RORA: variants seen among roughly 807,000 people sequenced by gnomAD.
RORA encodes nuclear receptor ROR-alpha.
A neutral mutation model predicts 69.5 loss-of-function variants in RORA; 7 were observed. The ratio of observed to expected loss-of-function variants is 0.10; its 90% CI spans 0.06 to 0.19. RORA has a LOEUF of 0.19. Among genes scored for constraint, RORA ranks in the 10% least tolerant of loss-of-function variants. The pLI is 1.00. For synonymous variants in RORA, 261 were observed against 240.8 expected, an observed-to-expected ratio of 1.08 and a Z score of -0.78; for missense variants, 457 against 663.0, an observed-to-expected ratio of 0.69 and a Z score of 3.41.
At chr15:60,785,838 T>C (rs2140342847) in intron 1 of RORA, among the ~76,000 whole-genome samples, 1 of 152,356 alleles carries the variant, frequency 6.6e-6, no homozygotes, top group Admixed American at 6.5e-5. Flanking sequence ...ATTGCGTTTG[T>C]CACTGTTGTT....
rs138103334 is a variant in RORA at position 60,848,368 on chromosome 15, C to T, written c.167-169682G>A. On this transcript the variant is annotated intron_variant, in intron 1 of 10. Coordinates refer to ENST00000335670, the MANE Select transcript of RORA (RefSeq NM_134261.3). ...GTGGGCCCCATATGATCACAAGAGT[C>T]CTCATAAGGGAAAAAGAGGGAGGAA... 207 of 152,258 alleles carry T rather than the reference C, an allele frequency of 1.4e-3. No homozygotes were observed. In the Middle Eastern group the frequency reaches 0.02, roughly 15 times the overall value. The allele number at this position is 152,258 out of a possible 1,614,324, so 9.4% of individuals were successfully genotyped here. A position where few individuals can be genotyped will look rare whatever the true frequency, so the allele number is the denominator to read the frequency against.
chr15:60,633,702 T>A (rs1015364465), intron 2 of RORA, among the ~76,000 whole-genome samples: 1 of 152,214 alleles, frequency 6.6e-6, no homozygotes, highest in Non-Finnish European at 1.5e-5. Flanking sequence ...AGATTTTCTA[T>A]CCCTCTTCCC....
At chr15:60,632,138 A>C (rs1162560810) in intron 2 of RORA, among the ~76,000 whole-genome samples, 19 of 149,734 alleles carry the variant, frequency 1.3e-4, no homozygotes, top group Non-Finnish European at 2.5e-4. Flanking sequence ...ACGGAGTCTC[A>C]CTCTGTTGTC....
intron 1 of RORA, among the ~76,000 whole-genome samples, chr15:60,995,413 C>T (rs188759150): frequency 8.5e-5 from 13 of 152,276 alleles, no homozygotes; most frequent in Admixed American, 7.2e-4. Flanking sequence ...ATGGGTGCTC[C>T]CTTCTATTTC....
At chr15:61,008,654 T>G (rs1442379891) in intron 1 of RORA, among the ~76,000 whole-genome samples, 1 of 152,182 alleles carries the variant, frequency 6.6e-6, no homozygotes, top group African/African-American at 2.4e-5. Context: ...AAAATGCGCA[T>G]GTAGATGGAA....
intron 2 of RORA, among the ~76,000 whole-genome samples, chr15:60,568,434 A>G (rs1208529745): frequency 6.6e-6 from 1 of 152,214 alleles, no homozygotes; most frequent in Non-Finnish European, 1.5e-5. Context: ...AAGGGAAACA[A>G]GAAAGAAATT....
At chr15:60,621,617 G>A (rs956339274) in intron 2 of RORA, among the ~76,000 whole-genome samples, 5 of 152,094 alleles carry the variant, frequency 3.3e-5, no homozygotes, top group Non-Finnish European at 5.9e-5. Flanking sequence ...CTTTTTAAGC[G>A]AGGCTTTAAA....
At chr15:60,769,480 A>G (rs1399550362) in intron 1 of RORA, among the ~76,000 whole-genome samples, 1 of 152,164 alleles carries the variant, frequency 6.6e-6, no homozygotes, top group Non-Finnish European at 1.5e-5. Flanking sequence ...CAAGATAACT[A>G]CAGAGCTGCT....
intron 2 of RORA, among the ~76,000 whole-genome samples, chr15:60,535,826 T>C (rs1264053296): frequency 6.6e-6 from 1 of 152,222 alleles, no homozygotes; most frequent in African/African-American, 2.4e-5. Context: ...TCACGCATTA[T>C]ATCTCACTCA....
At chr15:61,185,239 T>G (rs1345015701) in intron 1 of RORA, among the ~76,000 whole-genome samples, 1 of 152,120 alleles carries the variant, frequency 6.6e-6, no homozygotes, top group East Asian at 1.9e-4. Context: ...GATTATCTGC[T>G]GACACTCTGA....
At chr15:61,040,627 G>A (rs563610809) in intron 1 of RORA, among the ~76,000 whole-genome samples, 1 of 152,046 alleles carries the variant, frequency 6.6e-6, no homozygotes, top group East Asian at 1.9e-4. Context: ...CACCCTATGA[G>A]GACAAATACA....
chr15:60,502,935 G>C (rs1043185878), intron 7 of RORA, 68 bp from the exon 8 acceptor site: 9 of 1,031,896 alleles, frequency 8.7e-6, no homozygotes, highest in African/African-American at 4.7e-5. Flanking sequence ...TTTCTAAGCT[G>C]CTCATGTAGA....
intron 2 of RORA, among the ~76,000 whole-genome samples, chr15:60,567,394 CATT>C (rs771357639): frequency 2.7e-4 from 40 of 149,446 alleles, no homozygotes; most frequent in African/African-American, 3.9e-4. Context: ...CTTTTATTAT[CATT>C]ATTATTATTA....
intron 1 of RORA, among the ~76,000 whole-genome samples, chr15:60,982,389 A>T (rs1894070267): frequency 6.6e-6 from 1 of 152,194 alleles, no homozygotes; most frequent in African/African-American, 2.4e-5. Context: ...GTCATTCCCT[A>T]GACTTTGCTT....
At chr15:60,718,426 T>A (rs2071247961) in intron 1 of RORA, among the ~76,000 whole-genome samples, 1 of 152,178 alleles carries the variant, frequency 6.6e-6, no homozygotes, top group Admixed American at 6.5e-5. Context: ...TCCTCACTTT[T>A]AAAAATGAGT....
intron 1 of RORA, among the ~76,000 whole-genome samples, chr15:60,783,999 C>T (rs968440851): frequency 6.6e-6 from 1 of 152,216 alleles, no homozygotes; most frequent in Non-Finnish European, 1.5e-5. Flanking sequence ...AGCCATCCCT[C>T]CTTTACATCA....
chr15:60,918,680 TA>T (rs150181405), intron 1 of RORA, among the ~76,000 whole-genome samples: 125 of 152,312 alleles, frequency 8.2e-4, no homozygotes, highest in African/African-American at 3.0e-3. Context: ...ATATCAGAAA[TA>T]TTTTTTTTCT....
chr15:60,984,778 G>A (rs541598457), intron 1 of RORA, among the ~76,000 whole-genome samples: 8 of 149,764 alleles, frequency 5.3e-5, no homozygotes, highest in Admixed American at 4.0e-4. Flanking sequence ...ATAATAATAA[G>A]CCTGGGCTTG....
intron 1 of RORA, among the ~76,000 whole-genome samples, chr15:60,849,501 T>C (rs760782669): frequency 2.4e-4 from 37 of 152,202 alleles, no homozygotes; most frequent in African/African-American, 8.4e-4. Context: ...TACAAATAAC[T>C]TGATGATCCT....
Sources: allele counts gnomAD v4.1 joint callset (sites outside exome capture counted in the v4.1 genomes callset), GRCh38; gene constraint gnomAD v4.1.1; transcripts MANE v1.5; gene names NCBI Gene and HGNC (gene_info 2026-07-23, HGNC 2026-07-21).